The following MTUS1 variants were observed in gnomAD, a reference collection of about 807,000 sequenced individuals.
MTUS1 encodes the protein microtubule-associated tumor suppressor 1.
MTUS1 carries 109 observed loss-of-function variants against 120.8 expected under a neutral mutation model. The ratio of observed to expected loss-of-function variants is 0.90; its 90% confidence interval spans 0.77 to 1.06. The LOEUF is 1.06. MTUS1 is among the 50% of genes least tolerant of loss of function. The probability of loss-of-function intolerance (pLI) is 0.00; values close to 1 mark genes in which losing one functional copy is unlikely to be tolerated. For missense variants in MTUS1, 2,210 were observed against 1,486.3 expected (o/e 1.49, Z -8.01); for synonymous variants, 737 against 550.5 (o/e 1.34, Z -4.74).
At chr8:17,800,947 G>A (rs1430770482) in intron 1 of MTUS1, 114 bp downstream of exon 1, 1 of 152,332 alleles carries the variant, frequency 6.6e-6, no homozygotes, top group Non-Finnish European at 1.5e-5. Context: ...CAGGCCCCTG[G>A]AACGCCCCCT....
At chr8:17,711,311 G>C (rs1585871594) in intron 6 of MTUS1, among the ~76,000 whole-genome samples, 1 of 152,186 alleles carries the variant, frequency 6.6e-6, no homozygotes, top group African/African-American at 2.4e-5. Context: ...GTTTTGTGTA[G>C]CCACCTTTAT....
Position 17,754,315 on chromosome 8 carries a change from T to C in MTUS1, c.1493A>G (p.Glu498Gly). ...TPIGCKVRKT[E>G]IISYPRPNFK... is the part of the protein sequence containing the mutation. ...GTTTGGTCTTGGGTAACTTATAATT[T>C]CAGTTTTTCTAACTTTGCAGCCTAT... Residue 498 changes from glutamate (E) to glycine (G), a missense_variant, in exon 2 of 15, where the codon GAA becomes GGA. Coordinates refer to ENST00000693296, the MANE Select transcript of MTUS1 (RefSeq NM_001363059.2). The C allele has an allele frequency of 1.2e-6, 2 of 1,614,134 alleles. No individual in the cohort carries two copies. The highest frequency in any genetic ancestry group is 2.2e-5 in the East Asian group (1 of 44,866).
At position 17,687,349 on chromosome 8, in the gene MTUS1, C is replaced by T. The variant is rs149572142; in HGVS notation, c.2624-2807G>A. On this transcript the variant is annotated intron_variant, in intron 6 of 14. Transcript: ENST00000693296. ...AGATCAGAGATGATGCAAAAATCTC[C>T]AATGACGCTCAAAACCCCAAGGCTC... Among the ~76,000 whole-genome samples the T allele has an allele frequency of 2.3e-3, 355 of 152,238 alleles. 1 individual carries two copies. Among genetic ancestry groups the T allele is most frequent in the Admixed American group, 4.3e-3 (66 of 15,284 alleles).
intron 8 of MTUS1, among the ~76,000 whole-genome samples, chr8:17,660,094 C>T (rs781727570): frequency 1.3e-4 from 19 of 151,850 alleles, no homozygotes; most frequent in Admixed American, 1.1e-3. Flanking sequence ...CATTGTTGGC[C>T]GGGTGCAGTG....
intron 1 of MTUS1, among the ~76,000 whole-genome samples, chr8:17,775,821 C>T (rs1488898470): frequency 6.6e-6 from 1 of 152,216 alleles, no homozygotes; most frequent in Non-Finnish European, 1.5e-5. Flanking sequence ...TGGGTTACCC[C>T]AGTGGGGGCC....
At chr8:17,798,086 C>A (rs1459919964) in intron 1 of MTUS1, among the ~76,000 whole-genome samples, 1 of 152,110 alleles carries the variant, frequency 6.6e-6, no homozygotes, top group Non-Finnish European at 1.5e-5. Context: ...AATGATACTA[C>A]AAATAGATTA....
intron 2 of MTUS1, among the ~76,000 whole-genome samples, chr8:17,750,981 C>G (rs2048143757): frequency 1.3e-5 from 2 of 152,204 alleles, no homozygotes; most frequent in Admixed American, 1.3e-4. Context: ...ATTCAGTAAA[C>G]TCAAGGCCTA....
chr8:17,778,766 A>G (rs2050650152), intron 1 of MTUS1, among the ~76,000 whole-genome samples: 1 of 152,140 alleles, frequency 6.6e-6, no homozygotes, highest in African/African-American at 2.4e-5. Context: ...CTGAGATAGC[A>G]CCACTGCATT....
intron 7 of MTUS1, among the ~76,000 whole-genome samples, chr8:17,682,013 C>G (rs879035627): frequency 6.6e-6 from 1 of 152,010 alleles, no homozygotes; most frequent in East Asian, 1.9e-4. Flanking sequence ...GTACACTTAC[C>G]ACACATCTCA....
intron 8 of MTUS1, among the ~76,000 whole-genome samples, chr8:17,657,212 A>G (rs115552118): frequency 6.6e-6 from 1 of 152,062 alleles, no homozygotes; most frequent in Non-Finnish European, 1.5e-5. Context: ...AGGGAAAAAA[A>G]AACACATCTT....
chr8:17,746,818 T>C (rs919244413), intron 2 of MTUS1, among the ~76,000 whole-genome samples: 14 of 152,220 alleles, frequency 9.2e-5, no homozygotes, highest in Non-Finnish European at 8.8e-5. Flanking sequence ...GTGAAGTTGG[T>C]AGGTTTATTG....
rs149208092 is a variant in MTUS1 at position 17,692,496 on chromosome 8, T to C, written c.2624-7954A>G. 5.3e-3 allele frequency among the ~76,000 whole-genome samples: 813 copies of C among 152,274 alleles called. 10 individuals carry two copies. Among genetic ancestry groups the C allele is most frequent in the Middle Eastern group, 0.024 (7 of 294 alleles). ...ACAAGTTGCTTCTTAGTGAAGCTGT[T>C]AATTCCATCTAAAAAGAGTCAAAAG... On this transcript the variant is annotated intron_variant, in intron 6 of 14. Transcript: ENST00000693296.
intron 2 of MTUS1, among the ~76,000 whole-genome samples, chr8:17,747,722 A>G (rs2047878156): frequency 6.6e-6 from 1 of 152,152 alleles, no homozygotes; most frequent in African/African-American, 2.4e-5. Context: ...AGGGGAGACA[A>G]GCGGCTTGAC....
chr8:17,709,702 G>A (rs1820885201), intron 6 of MTUS1, among the ~76,000 whole-genome samples: 1 of 151,924 alleles, frequency 6.6e-6, no homozygotes, highest in East Asian at 1.9e-4. Flanking sequence ...ACAGCATTAT[G>A]TCTAAAAAAA....
intron 1 of MTUS1, among the ~76,000 whole-genome samples, chr8:17,764,077 G>GT (rs1246709255): frequency 1.3e-5 from 2 of 152,110 alleles, no homozygotes; most frequent in Admixed American, 6.6e-5. Flanking sequence ...GTTTTAAAGG[G>GT]TTTTTTGGTG....
intron 1 of MTUS1, among the ~76,000 whole-genome samples, chr8:17,792,108 C>A (rs1228450057): frequency 3.9e-5 from 6 of 152,070 alleles, no homozygotes; most frequent in Admixed American, 3.9e-4. Context: ...TCCTGGATAC[C>A]CATTACATTT....
chr8:17,741,243 G>T (rs537093372), intron 3 of MTUS1, among the ~76,000 whole-genome samples: 1 of 152,090 alleles, frequency 6.6e-6, no homozygotes, highest in South Asian at 2.1e-4. Flanking sequence ...TTATGACCCC[G>T]TTTAACCTTC....
chr8:17,790,256 G>A (rs781775056), intron 1 of MTUS1, among the ~76,000 whole-genome samples: 1 of 151,704 alleles, frequency 6.6e-6, no homozygotes, highest in Non-Finnish European at 1.5e-5. Context: ...GCTGAGGTAG[G>A]AGAACTGCTT....
At chr8:17,781,468 A>C (rs929618170) in intron 1 of MTUS1, among the ~76,000 whole-genome samples, 3 of 152,234 alleles carry the variant, frequency 2.0e-5, no homozygotes, top group Non-Finnish European at 2.9e-5. Flanking sequence ...AGGAAACAAG[A>C]CATGTTACTG....
Sources: gnomAD v4.1 joint callset for allele counts (sites outside exome capture counted in the v4.1 genomes callset) on GRCh38, gnomAD v4.1.1 for gene constraint, MANE v1.5 for transcripts, NCBI Gene and HGNC (gene_info 2026-07-23, HGNC 2026-07-21) for gene names.